ZYG11B: variants seen among roughly 807,000 people sequenced by gnomAD.
The protein encoded by ZYG11B is protein zyg-11 homolog B.
ZYG11B carries 36 observed loss-of-function variants against 82.4 expected under a neutral mutation model. The observed-to-expected ratio is 0.44, with a 90% CI of 0.33 to 0.58. ZYG11B has a LOEUF of 0.58. ZYG11B is among the 20% of genes least tolerant of loss of function. ZYG11B has a pLI of 0.02. For synonymous variants in ZYG11B, 303 were observed against 312.8 expected (o/e 0.97, Z 0.33); for missense variants, 552 against 895.6 (o/e 0.62, Z 4.90).
intron 3 of ZYG11B, among the ~76,000 whole-genome samples, chr1:52,772,917 T>C (rs1375809952): frequency 6.6e-6 from 1 of 151,952 alleles, no homozygotes; most frequent in East Asian, 2.0e-4. Flanking sequence ...GACCTCGTAA[T>C]CTGCCCGCCT....
chr1:52,772,021 A>G (rs1046366947), intron 3 of ZYG11B, among the ~76,000 whole-genome samples: 8 of 152,330 alleles, frequency 5.3e-5, no homozygotes, highest in African/African-American at 1.9e-4. Flanking sequence ...CTGAAGATTA[A>G]TAATAATCTA....
chr1:52,826,132 ATAAGT>A lies in ZYG11B; in HGVS notation c.*4507_*4511del, dbSNP rs1645323219. 1 of 152,202 alleles carries A rather than the reference ATAAGT, an allele frequency of 6.6e-6. No homozygotes were observed. The highest frequency in any genetic ancestry group is 6.5e-5 in the Admixed American group (1 of 15,268). The allele number at this position is 152,202 out of a possible 1,614,324, so 9.4% of individuals were successfully genotyped here. A position where few individuals can be genotyped will look rare whatever the true frequency, so the allele number is the denominator to read the frequency against. ...TAAACAGTATTATTAAACTGAAGGC[ATAAGT>A]TAAAGGAAGTATGTTACTTTGAGCT... On this transcript the variant is annotated 3_prime_UTR_variant, in exon 14 of 14. Coordinates refer to ENST00000294353, the MANE Select transcript of ZYG11B (RefSeq NM_024646.3).
chr1:52,736,048 T>C (rs537153090), intron 1 of ZYG11B, among the ~76,000 whole-genome samples: 40 of 152,282 alleles, frequency 2.6e-4, no homozygotes, highest in African/African-American at 8.9e-4. Flanking sequence ...GTACTTGATA[T>C]GCATGGGAAT....
intron 6 of ZYG11B, among the ~76,000 whole-genome samples, chr1:52,791,522 T>C (rs961313273): frequency 7.2e-5 from 11 of 151,846 alleles, no homozygotes; most frequent in Non-Finnish European, 1.3e-4. Flanking sequence ...GCATGTGCCA[T>C]CATACCCGGC....
intron 1 of ZYG11B, among the ~76,000 whole-genome samples, chr1:52,751,782 C>T (rs975590879): frequency 6.6e-6 from 1 of 152,110 alleles, no homozygotes; most frequent in Non-Finnish European, 1.5e-5. Context: ...TAACTTCTTT[C>T]TGGGCTGGTT....
intron 13 of ZYG11B, among the ~76,000 whole-genome samples, chr1:52,818,442 C>T (rs991641159): frequency 6.6e-6 from 1 of 151,616 alleles, no homozygotes; most frequent in Non-Finnish European, 1.5e-5. Flanking sequence ...ACCATGCACT[C>T]TGGCCTGGGT....
At chr1:52,746,384 A>G (rs966059589) in intron 1 of ZYG11B, among the ~76,000 whole-genome samples, 1 of 152,196 alleles carries the variant, frequency 6.6e-6, no homozygotes, top group African/African-American at 2.4e-5. Flanking sequence ...TTGAAACATC[A>G]TGAAGTAGAA....
At chr1:52,820,713 TTAAAAAAAAAAA>T (rs1645275892) in intron 13 of ZYG11B, among the ~76,000 whole-genome samples, 1 of 120,936 alleles carries the variant, frequency 8.3e-6, no homozygotes, top group African/African-American at 3.5e-5. Context: ...GAGACTGTCT[TTAAAAAAAAAAA>T]AAAAAAAAAA....
intron 3 of ZYG11B, among the ~76,000 whole-genome samples, chr1:52,775,225 C>CATCACAAA (rs1444553532): frequency 6.6e-6 from 1 of 152,094 alleles, no homozygotes. Context: ...AAATTTGTGT[C>CATCACAAA]TTAACTTAGA....
intron 10 of ZYG11B, among the ~76,000 whole-genome samples, chr1:52,803,099 C>CACACACATAT (rs1558139992): frequency 9.3e-5 from 1 of 10,796 alleles, no homozygotes; most frequent in Non-Finnish European, 1.8e-4. Context: ...TATATATATA[C>CACACACATAT]ATATATATAT....
At chr1:52,803,097 T>TATATATAC (rs1212524091) in intron 10 of ZYG11B, among the ~76,000 whole-genome samples, 1 of 44,832 alleles carries the variant, frequency 2.2e-5, no homozygotes, top group South Asian at 6.6e-4. Context: ...CATATATATA[T>TATATATAC]ACATATATAT....
chr1:52,743,893 A>AT (rs556016772), intron 1 of ZYG11B, among the ~76,000 whole-genome samples: 115 of 151,828 alleles, frequency 7.6e-4, no homozygotes, highest in Admixed American at 1.2e-3. Context: ...CAGGTGTACC[A>AT]TTTTTTATCT....
chr1:52,808,044 C>G (rs1479703020), intron 10 of ZYG11B, among the ~76,000 whole-genome samples: 1 of 152,280 alleles, frequency 6.6e-6, no homozygotes. Flanking sequence ...TGTACACGTT[C>G]TTTTCCTCTG....
At chr1:52,799,315 G>A (rs901997414) in intron 8 of ZYG11B, among the ~76,000 whole-genome samples, 3 of 151,768 alleles carry the variant, frequency 2.0e-5, no homozygotes, top group South Asian at 2.1e-4. Context: ...GTGAAACCCC[G>A]TCTCTACTAA....
intron 2 of ZYG11B, among the ~76,000 whole-genome samples, chr1:52,760,033 T>C (rs1291465928): frequency 6.6e-6 from 1 of 152,138 alleles, no homozygotes; most frequent in Non-Finnish European, 1.5e-5. Flanking sequence ...GGGATTTCAC[T>C]ATGTTGGCCA....
At chr1:52,790,627 A>G (rs6686452) in intron 6 of ZYG11B, among the ~76,000 whole-genome samples, 4,508 of 148,136 alleles carry the variant, frequency 0.03, 98 homozygotes, top group Non-Finnish European at 0.043. Flanking sequence ...AGACTGAGGC[A>G]GGAGAATCGT....
At chr1:52,737,119 T>A (rs1644384559) in intron 1 of ZYG11B, among the ~76,000 whole-genome samples, 1 of 152,008 alleles carries the variant, frequency 6.6e-6, no homozygotes, top group African/African-American at 2.4e-5. Flanking sequence ...TGACCTCAAG[T>A]GATCCACCCA....
intron 13 of ZYG11B, among the ~76,000 whole-genome samples, chr1:52,818,942 C>T (rs569024659): frequency 3.9e-5 from 6 of 152,114 alleles, no homozygotes; most frequent in South Asian, 2.1e-4. Context: ...TACAGGAACA[C>T]GCCACCATGC....
intron 6 of ZYG11B, 117 bp downstream of exon 6, chr1:52,790,184 T>C (rs1411670699): frequency 1.6e-6 from 1 of 626,234 alleles, no homozygotes; most frequent in Non-Finnish European, 2.6e-6. Flanking sequence ...TAGATAGAAT[T>C]GTGGGTTATT....
Sources: allele counts gnomAD v4.1 joint callset (sites outside exome capture counted in the v4.1 genomes callset), GRCh38; gene constraint gnomAD v4.1.1; transcripts MANE v1.5; gene names NCBI Gene and HGNC (gene_info 2026-07-23, HGNC 2026-07-21).